The following DOCK9 variants were observed in gnomAD, a reference collection of about 807,000 sequenced individuals.
DOCK9 encodes dedicator of cytokinesis protein 9.
Under a neutral mutation model 263.3 loss-of-function variants are expected in DOCK9, and 89 were observed. The ratio of observed to expected loss-of-function variants is 0.34; its 90% CI spans 0.28 to 0.40. DOCK9 has a LOEUF of 0.40. Ranked by LOEUF, DOCK9 falls within the 10% of genes least tolerant of loss-of-function variation. The pLI, the probability that DOCK9 is intolerant of heterozygous loss-of-function variation, is 1.00. For synonymous variants in DOCK9, 976 were observed against 973.1 expected (o/e 1.00, Z -0.06); for missense variants, 2,140 against 2,603.4 (o/e 0.82, Z 3.87).
chr13:99,049,324 G>A (rs535092719), intron 1 of DOCK9, among the ~76,000 whole-genome samples: 1 of 152,354 alleles, frequency 6.6e-6, no homozygotes, highest in East Asian at 1.9e-4. Context: ...CTGCTCCTTG[G>A]ACAGGGGCAG....
rs1358121531 is a variant in DOCK9 at position 98,869,705 on chromosome 13, T to C, written c.2944-1328A>G. ...TTTTAGTAACTGAAGAGTAATGGTTTTACAGGGACACATGGCTGCCCAGCC... is the reference window on the plus strand; with the variant it reads ...TTTTAGTAACTGAAGAGTAATGGTTCTACAGGGACACATGGCTGCCCAGCC... On this transcript the variant is annotated intron_variant, in intron 27 of 52. Transcript: ENST00000682017. Among the ~76,000 whole-genome samples, 14 of 152,258 alleles carry C rather than the reference T, an allele frequency of 9.2e-5. 1 individual carries two copies. Among genetic ancestry groups the C allele is most frequent in the Admixed American group, 9.2e-4 (14 of 15,288 alleles).
Position 98,885,123 on chromosome 13 carries a change from A to G in DOCK9, c.2261-31T>C, listed in dbSNP as rs761922471. 7.4e-6 allele frequency: 12 copies of G among 1,611,794 alleles called. No homozygotes were observed. The South Asian group carries it at 1.2e-4, about 16-fold the overall frequency. On this transcript the variant is annotated intron_variant, in intron 20 of 52. Coordinates refer to ENST00000682017, the MANE Select transcript of DOCK9 (RefSeq NM_001366683.2). Reference sequence around the variant, plus strand: ...GAAAACAAAGAACAACAACAACAACAGAACACTGTGAGTGTATGAAAACTT... The same window carrying G: ...GAAAACAAAGAACAACAACAACAACGGAACACTGTGAGTGTATGAAAACTT...
At position 98,885,784 on chromosome 13, in the gene DOCK9, CA is replaced by C; in HGVS notation, c.2183del (p.Leu728CysfsTer35). ...PTQLHEKHHL[L>X]LTFFHVSCDN... Reference sequence around the variant, plus strand: ...CACAGCTGACATGGAAGAATGTGAGCAACAGGTGGTGCTTTTCATGCAGCTG... The same window carrying C: ...CACAGCTGACATGGAAGAATGTGAGCACAGGTGGTGCTTTTCATGCAGCTG... On this transcript the variant is annotated frameshift_variant, in exon 20 of 53. Coordinates refer to ENST00000682017, the MANE Select transcript of DOCK9 (RefSeq NM_001366683.2). LOFTEE classifies it high-confidence loss of function. 6.2e-7 allele frequency: 1 copy of C among 1,612,706 alleles called. No homozygotes were observed. The highest frequency in any genetic ancestry group is 8.5e-7 in the Non-Finnish European group (1 of 1,179,598).
At position 98,794,541 on chromosome 13, in the gene DOCK9, C is replaced by T. The variant is rs2089088930; in HGVS notation, c.*85G>A. ...CCTTCCCCTTGGTCCTCCCTGTGCT[C>T]GGTCTCCCCAGTGATTGGCTTTGGA... On this transcript the variant is annotated 3_prime_UTR_variant, in exon 53 of 53. Transcript: ENST00000682017. 5 of 1,442,090 alleles carry T rather than the reference C, an allele frequency of 3.5e-6. No individual in the cohort carries two copies. Among genetic ancestry groups the T allele is most frequent in the South Asian group, 2.7e-5 (2 of 73,264 alleles). The allele number at this position is 1,442,090 out of a possible 1,614,324, so 89.3% of individuals were successfully genotyped here.
At chr13:98,991,709 T>C (rs1038223659) in intron 1 of DOCK9, among the ~76,000 whole-genome samples, 5 of 151,330 alleles carry the variant, frequency 3.3e-5, no homozygotes, top group African/African-American at 1.2e-4. Flanking sequence ...TATAAAAATA[T>C]TATATTTTTA....
chr13:99,076,229 A>C (rs1169946627), intron 1 of DOCK9, among the ~76,000 whole-genome samples: 2 of 152,246 alleles, frequency 1.3e-5, no homozygotes, highest in East Asian at 3.8e-4. Flanking sequence ...CAGTGAATGA[A>C]AAGCACTCCC....
chr13:98,919,757 T>G (rs776322574), intron 7 of DOCK9, among the ~76,000 whole-genome samples: 1 of 152,258 alleles, frequency 6.6e-6, no homozygotes, highest in Non-Finnish European at 1.5e-5. Flanking sequence ...CTTTATCTCA[T>G]GTGCACTGTG....
intron 24 of DOCK9, 89 bp from the exon 25 acceptor site, chr13:98,881,716 G>T: frequency 7.3e-7 from 1 of 1,369,366 alleles, no homozygotes; most frequent in Non-Finnish European, 1.0e-6. Context: ...CAATGATGAT[G>T]CTATCAGCAC....
intron 1 of DOCK9, among the ~76,000 whole-genome samples, chr13:99,051,574 T>C (rs775280934): frequency 2.6e-5 from 4 of 152,056 alleles, no homozygotes; most frequent in Non-Finnish European, 4.4e-5. Context: ...ATCCGAATGC[T>C]CTAAAGGTCA....
intron 1 of DOCK9, among the ~76,000 whole-genome samples, chr13:99,054,580 G>A (rs1338387865): frequency 6.6e-6 from 1 of 152,202 alleles, no homozygotes; most frequent in Non-Finnish European, 1.5e-5. Context: ...AGGGTTTGAG[G>A]GCAAGCAAGA....
chr13:98,953,144 A>T (rs979626577), intron 2 of DOCK9, among the ~76,000 whole-genome samples: 4 of 152,226 alleles, frequency 2.6e-5, no homozygotes, highest in African/African-American at 7.2e-5. Context: ...ACCTGATAAG[A>T]AAGTGGGAGT....
chr13:99,049,435 C>T (rs2040584631), intron 1 of DOCK9, among the ~76,000 whole-genome samples: 1 of 151,942 alleles, frequency 6.6e-6, no homozygotes, highest in African/African-American at 2.4e-5. Flanking sequence ...CGCCTGTAGT[C>T]CCAGCTACAA....
chr13:99,041,524 A>T (rs1734925801), intron 1 of DOCK9, among the ~76,000 whole-genome samples: 1 of 151,982 alleles, frequency 6.6e-6, no homozygotes, highest in South Asian at 2.1e-4. Context: ...AATGAACTAC[A>T]TTGTCTAAAA....
rs770223678 is a variant in DOCK9 at position 98,923,313 on chromosome 13, C to T, written c.475G>A (p.Asp159Asn). 1.4e-5 allele frequency: 22 copies of T among 1,613,612 alleles called. No homozygotes were observed. The highest frequency in any genetic ancestry group is 1.4e-5 in the Non-Finnish European group (16 of 1,179,686). Reference protein sequence around the residue: ...VHVYEVDEEVDKDEDAASLGS... With the variant: ...VHVYEVDEEVNKDEDAASLGS... ...AGCAGGTATCCCACCTCATCTTTGT[C>T]GACCTCCTCGTCAACTTCATAGACA... The change falls in exon 5 of 53, where the codon GAC becomes AAC. Residue 159 changes from aspartate to asparagine, a missense_variant. By Grantham distance (23) the Asp-to-Asn change is conservative. Transcript: ENST00000682017.
At chr13:98,866,878 G>A (rs1039348891) in intron 30 of DOCK9, among the ~76,000 whole-genome samples, 6 of 152,168 alleles carry the variant, frequency 3.9e-5, no homozygotes, top group African/African-American at 1.2e-4. Flanking sequence ...GCCTCCCTGG[G>A]ATGTTACAGC....
At chr13:98,881,476 C>T in intron 25 of DOCK9, 82 bp downstream of exon 25, 1 of 1,129,160 alleles carries the variant, frequency 8.9e-7, no homozygotes, top group Non-Finnish European at 1.3e-6. Flanking sequence ...CTCAAATAAC[C>T]AGGCTTGTGA....
intron 41 of DOCK9, among the ~76,000 whole-genome samples, chr13:98,830,800 C>T (rs1344258083): frequency 3.3e-5 from 5 of 152,090 alleles, no homozygotes; most frequent in Admixed American, 2.0e-4. Flanking sequence ...GTTGTATCCA[C>T]GAATCCTATG....
chr13:98,831,460 C>G lies in DOCK9; in HGVS notation c.4523G>C (p.Cys1508Ser). 6.3e-7 allele frequency: 1 copy of G among 1,596,482 alleles called. No homozygotes were observed. The highest frequency in any genetic ancestry group is 8.5e-7 in the Non-Finnish European group (1 of 1,171,058). The change falls in exon 41 of 53, where the codon TGT becomes TCT. Residue 1508 changes from cysteine (C) to serine (S), a missense_variant. Cys to Ser is a moderately radical substitution (Grantham distance 112, BLOSUM62 -1). Coordinates refer to ENST00000682017, the MANE Select transcript of DOCK9 (RefSeq NM_001366683.2). ...CCTGATGGAGCTCAGCTTGGAGTTA[C>G]AGCACTTGAGAATCTCGTAACACAG... ...AALCYEILKCCNSKLSSIRTE... is the reference protein window; with the variant it reads ...AALCYEILKCSNSKLSSIRTE...
intron 1 of DOCK9, among the ~76,000 whole-genome samples, chr13:99,003,666 CTTAT>C (rs1422817292): frequency 4.2e-5 from 6 of 143,098 alleles, no homozygotes; most frequent in African/African-American, 1.6e-4. Context: ...CTCCTTGTCT[CTTAT>C]TTAACTGCCA....
Sources: allele counts gnomAD v4.1 joint callset (sites outside exome capture counted in the v4.1 genomes callset), GRCh38; gene constraint gnomAD v4.1.1; transcripts MANE v1.5; gene names NCBI Gene and HGNC (gene_info 2026-07-23, HGNC 2026-07-21).